The following PDE4D variants were observed in gnomAD, a reference collection of about 807,000 sequenced individuals.
PDE4D encodes the protein 3',5'-cyclic-AMP phosphodiesterase 4D.
In PDE4D, 24 loss-of-function variants were observed where a neutral mutation model predicts 87.4. The observed-to-expected ratio is 0.27, with a 90% CI of 0.20 to 0.39. The LOEUF (loss-of-function observed/expected upper bound fraction) is 0.39, where lower values mean the gene tolerates loss of function less well. Among genes scored for constraint, PDE4D ranks in the 10% least tolerant of loss-of-function variants. The probability of loss-of-function intolerance (pLI) is 1.00; values close to 1 mark genes in which losing one functional copy is unlikely to be tolerated. For missense variants in PDE4D, 714 were observed against 1,041.0 expected (o/e 0.69, Z 4.32); for synonymous variants, 384 against 383.2 (o/e 1.00, Z -0.02).
chr5:59,074,276 C>T (rs1765332983), intron 5 of PDE4D, among the ~76,000 whole-genome samples: 1 of 151,950 alleles, frequency 6.6e-6, no homozygotes, highest in African/African-American at 2.4e-5. Flanking sequence ...TAATATACAT[C>T]TACATATAAC....
chr5:59,095,341 A>C (rs1046168196), intron 5 of PDE4D, among the ~76,000 whole-genome samples: 2 of 151,422 alleles, frequency 1.3e-5, no homozygotes, highest in African/African-American at 4.9e-5. Context: ...ATGGAACAAA[A>C]AATAACCAAA....
chr5:58,986,669 A>G (rs1400753018), intron 11 of PDE4D, among the ~76,000 whole-genome samples: 1 of 152,154 alleles, frequency 6.6e-6, no homozygotes, highest in African/African-American at 2.4e-5. Flanking sequence ...TTCATCCCAA[A>G]ACCATTCTCT....
At chr5:59,861,117 C>T (rs1306084757) in intron 1 of PDE4D, among the ~76,000 whole-genome samples, 6 of 151,822 alleles carry the variant, frequency 4.0e-5, no homozygotes, top group Admixed American at 1.3e-4. Context: ...GTGATCCACC[C>T]GCCTCAGCCT....
intron 6 of PDE4D, among the ~76,000 whole-genome samples, chr5:59,021,736 A>C (rs1755181367): frequency 6.6e-6 from 1 of 152,200 alleles, no homozygotes; most frequent in Admixed American, 6.5e-5. Context: ...AGGAATTGCA[A>C]AGCTCCTCAG....
At chr5:59,551,666 C>G (rs1158662594) in intron 1 of PDE4D, among the ~76,000 whole-genome samples, 1 of 152,070 alleles carries the variant, frequency 6.6e-6, no homozygotes, top group East Asian at 1.9e-4. Flanking sequence ...TCCTTCCAAC[C>G]TTTACCCACT....
intron 1 of PDE4D, among the ~76,000 whole-genome samples, chr5:60,217,358 A>C (rs919121654): frequency 2.9e-4 from 44 of 152,104 alleles, no homozygotes; most frequent in African/African-American, 1.1e-3. Flanking sequence ...CAACATTATG[A>C]ATGTTTTTAT....
chr5:59,742,040 T>C (rs900464729), intron 1 of PDE4D, among the ~76,000 whole-genome samples: 2 of 152,054 alleles, frequency 1.3e-5, no homozygotes, highest in Non-Finnish European at 2.9e-5. Context: ...ATTATCATCA[T>C]CATCATCATC....
chr5:60,316,511 T>C (rs1755616004), intron 1 of PDE4D, among the ~76,000 whole-genome samples: 1 of 152,214 alleles, frequency 6.6e-6, no homozygotes, highest in South Asian at 2.1e-4. Flanking sequence ...GGCCAGAACT[T>C]CTAACACTAT....
chr5:59,370,304 A>G (rs1272330840), intron 1 of PDE4D, among the ~76,000 whole-genome samples: 1 of 151,944 alleles, frequency 6.6e-6, no homozygotes, highest in East Asian at 1.9e-4. Context: ...ACTCTTTTCC[A>G]TGGTTTTCAA....
At chr5:59,185,325 T>C (rs1194821561) in intron 3 of PDE4D, 63 bp from the exon 4 acceptor site, 2 of 1,258,432 alleles carry the variant, frequency 1.6e-6, no homozygotes, top group African/African-American at 1.5e-5. Context: ...CACTTGAAAA[T>C]GGTTTGTTAA....
intron 1 of PDE4D, among the ~76,000 whole-genome samples, chr5:60,408,784 G>T (rs1404678519): frequency 6.6e-6 from 1 of 152,022 alleles, no homozygotes; most frequent in Non-Finnish European, 1.5e-5. Flanking sequence ...AATAATAAAG[G>T]GAGAGAGATA....
chr5:59,515,736 G>T (rs1011806750), intron 1 of PDE4D, among the ~76,000 whole-genome samples: 32 of 152,150 alleles, frequency 2.1e-4, no homozygotes, highest in African/African-American at 7.7e-4. Context: ...AAATGTATAA[G>T]ATCTTCGTAA....
chr5:59,290,016 A>C (rs1767711695), intron 1 of PDE4D, among the ~76,000 whole-genome samples: 1 of 151,996 alleles, frequency 6.6e-6, no homozygotes, highest in Non-Finnish European at 1.5e-5. Context: ...AATGGAAAAA[A>C]AGAGAACACA....
chr5:60,044,399 A>G (rs1043319260), intron 2 of PDE4D, among the ~76,000 whole-genome samples: 2 of 151,880 alleles, frequency 1.3e-5, no homozygotes, highest in Non-Finnish European at 2.9e-5. Flanking sequence ...GTTTTAGGGT[A>G]CATGTGCACA....
rs1561617251 is a variant in PDE4D, at chr5:59,762,580, GGGTACACATATGTGTATATGTGTATATA to G, written c.455+130560_455+130587del. 1.6e-4 allele frequency among the ~76,000 whole-genome samples: 21 copies of G among 130,608 alleles called. 1 individual carries two copies. Among genetic ancestry groups the G allele is most frequent in the African/African-American group, 3.4e-4 (12 of 35,820 alleles). The allele number at this position is 130,608 out of a possible 152,430, so 85.7% of individuals were successfully genotyped here. A position where few individuals can be genotyped will look rare whatever the true frequency, so the allele number is the denominator to read the frequency against. On this transcript the variant is annotated intron_variant, in intron 1 of 14. Transcript: ENST00000340635. Reference sequence around the variant, plus strand: ...TACACATATGTGTATATGTGTATATGGGTACACATATGTGTATATGTGTATATAGGTACATATGTGTATATGTGTATAT... The same window carrying G: ...TACACATATGTGTATATGTGTATATGGGTACATATGTGTATATGTGTATAT...
At chr5:59,443,125 T>C (rs1243295856) in intron 1 of PDE4D, among the ~76,000 whole-genome samples, 2 of 152,208 alleles carry the variant, frequency 1.3e-5, no homozygotes, top group African/African-American at 4.8e-5. Context: ...CAATGTGAGA[T>C]AGTACCTACT....
chr5:59,742,125 G>A (rs180913201), intron 1 of PDE4D, among the ~76,000 whole-genome samples: 46 of 152,174 alleles, frequency 3.0e-4, no homozygotes, highest in Admixed American at 5.9e-4. Flanking sequence ...GTGCAATGGC[G>A]CAGTCTCGGC....
intron 1 of PDE4D, among the ~76,000 whole-genome samples, chr5:59,305,204 A>T (rs541512678): frequency 5.3e-5 from 8 of 152,114 alleles, no homozygotes; most frequent in African/African-American, 1.7e-4. Context: ...GTAGCCTTGA[A>T]TATCTTTTGT....
At chr5:59,471,639 C>A (rs1255105879) in intron 1 of PDE4D, among the ~76,000 whole-genome samples, 1 of 152,208 alleles carries the variant, frequency 6.6e-6, no homozygotes, top group Non-Finnish European at 1.5e-5. Flanking sequence ...TCAGATTATT[C>A]ATTTCCTTTT....
Sources: allele counts gnomAD v4.1 joint callset (sites outside exome capture counted in the v4.1 genomes callset), GRCh38; gene constraint gnomAD v4.1.1; transcripts MANE v1.5; gene names NCBI Gene and HGNC (gene_info 2026-07-23, HGNC 2026-07-21).